The following MMP28 variants were observed in gnomAD, a reference collection of about 807,000 sequenced individuals.
MMP28 encodes matrix metalloproteinase-28.
In MMP28, 55 loss-of-function variants were observed where a neutral mutation model predicts 60.5. That is an observed-to-expected ratio of 0.91 (90% CI 0.73 to 1.14). The LOEUF is 1.14. MMP28 is among the 50% of genes most tolerant of loss of function. MMP28 has a pLI of 0.00. For missense variants in MMP28, 686 were observed against 738.3 expected (o/e 0.93, Z 0.82); for synonymous variants, 318 against 312.5 (o/e 1.02, Z -0.18).
chr17:35,779,390 C>T (rs1568176103), intron 1 of MMP28, 67 bp from the exon 2 acceptor site: 1 of 1,296,108 alleles, frequency 7.7e-7, no homozygotes, highest in East Asian at 2.4e-5. Flanking sequence ...CCCAAGGGCC[C>T]AGGGCACATA....
In MMP28 at chr17:35,766,372, G is replaced by T. The variant is rs2085937791; in HGVS notation, c.*128C>A. On this transcript the variant is annotated 3_prime_UTR_variant, in exon 8 of 8. Transcript: ENST00000605424. The surrounding 1 kb of genome is among the most constrained non-coding windows in gnomAD (Gnocchi z 4.3). ...AGGAACAAAGGCAGACAGACTTCCA[G>T]ATGGAGGCTTTGCTGCCCGGTCTTC... The T allele has an allele frequency of 4.2e-6, 6 of 1,425,454 alleles. No individual in the cohort carries two copies. Among genetic ancestry groups the T allele is most frequent in the Non-Finnish European group, 5.5e-6 (6 of 1,092,312 alleles). The allele number at this position is 1,425,454 out of a possible 1,614,324, so 88.3% of individuals were successfully genotyped here. A position where few individuals can be genotyped will look rare whatever the true frequency, so the allele number is the denominator to read the frequency against.
At chr17:35,764,894 G>A, downstream of MMP28, 1 of 274,854 alleles carries the variant, frequency 3.6e-6, no homozygotes, top group South Asian at 6.6e-5. Flanking sequence ...CAGCACCAGC[G>A]CCACCGCACA....
At chr17:35,760,853 C>G in intron 2 of MMP28, 1 of 1,522,866 alleles carries the variant, frequency 6.6e-7, no homozygotes, top group South Asian at 1.2e-5. Context: ...AATAGAGGCC[C>G]TAGACATGAG....
Position 35,773,337 on chromosome 17 carries a change from C to A in MMP28, c.447G>T (p.Pro149=). 1.2e-6 allele frequency: 2 copies of A among 1,612,612 alleles called. No individual in the cohort carries two copies. The highest frequency in any genetic ancestry group is 1.7e-6 in the Non-Finnish European group (2 of 1,179,400). Residue 149 remains proline, a synonymous_variant, in exon 4 of 8, where the codon CCG becomes CCT. Transcript: ENST00000605424. ...LVNWPEHLPE[P]AVRGAVRAAF... ...CGGCGCGCACGGCGCCCCGAACTGC[C>A]GGCTCCGGCAGATGCTCAGGCCAGT... is the stretch of plus-strand genomic sequence containing the variant.
At chr17:35,784,570 A>G (rs2086596322) in intron 1 of MMP28, among the ~76,000 whole-genome samples, 1 of 152,052 alleles carries the variant, frequency 6.6e-6, no homozygotes, top group South Asian at 2.1e-4. Context: ...CTGCAAAGGT[A>G]AGAGAAATGG....
intron 7 of MMP28, 56 bp downstream of exon 7, chr17:35,767,696 G>T (rs965359957): frequency 1.9e-6 from 3 of 1,542,084 alleles, no homozygotes; most frequent in Non-Finnish European, 2.6e-6. Context: ...TTGACCTTGG[G>T]CAGGACACCT....
chr17:35,769,656 G>A (rs1456666611), intron 5 of MMP28, among the ~76,000 whole-genome samples: 2 of 152,104 alleles, frequency 1.3e-5, no homozygotes, highest in East Asian at 3.9e-4. Flanking sequence ...GGGAGAGCTA[G>A]TGGCTGGGGC....
intron 1 of MMP28, among the ~76,000 whole-genome samples, chr17:35,786,697 T>TAAAAAAA (rs1406141593): frequency 1.2e-5 from 1 of 80,122 alleles, no homozygotes; most frequent in African/African-American, 8.8e-5. Flanking sequence ...ATCCTGTCTC[T>TAAAAAAA]ACAAAAAAAA....
chr17:35,795,433 C>T lies in MMP28; in HGVS notation c.-56G>A, dbSNP rs576777255. 3.1e-6 allele frequency: 4 copies of T among 1,286,868 alleles called. No homozygotes were observed. The highest frequency in any genetic ancestry group is 4.0e-6 in the Non-Finnish European group (4 of 999,656). 79.7% of individuals were successfully genotyped at this position (1,286,868 alleles called of 1,614,324 possible). On this transcript the variant is annotated 5_prime_UTR_variant, in exon 1 of 8. Coordinates refer to ENST00000605424, the MANE Select transcript of MMP28 (RefSeq NM_024302.5). Reference sequence around the variant, plus strand: ...GAGCTACTGCGCGCAGGGAACCAGCCGGCAGTCAGCCGCGCCCGGGACCCC... The same window carrying T: ...GAGCTACTGCGCGCAGGGAACCAGCTGGCAGTCAGCCGCGCCCGGGACCCC...
intron 7 of MMP28, among the ~76,000 whole-genome samples, chr17:35,767,474 G>GCT (rs1010719996): frequency 4.1e-4 from 62 of 152,288 alleles, no homozygotes; most frequent in African/African-American, 1.4e-3. Flanking sequence ...GGAAGATCCA[G>GCT]CTTTCTGCTC....
intron 4 of MMP28, among the ~76,000 whole-genome samples, chr17:35,772,940 G>A (rs2086205126): frequency 6.6e-6 from 1 of 152,202 alleles, no homozygotes; most frequent in Non-Finnish European, 1.5e-5. Context: ...TAATACTCTT[G>A]AGAATTTGCA....
downstream of MMP28, among the ~76,000 whole-genome samples, chr17:35,761,320 A>G (rs946032682): frequency 6.5e-4 from 99 of 151,972 alleles, 1 homozygote; most frequent in Non-Finnish European, 6.9e-4. Context: ...TATGTTGGCC[A>G]GGCTGGTCGC....
chr17:35,764,663 C>A, downstream of MMP28: 1 of 1,521,684 alleles, frequency 6.6e-7, no homozygotes. Context: ...TTTCCTGGCC[C>A]CAGACCCCCT....
At chr17:35,764,140 G>T (rs1555602142), downstream of MMP28, 6 of 1,549,362 alleles carry the variant, frequency 3.9e-6, no homozygotes, top group Admixed American at 2.0e-5. Flanking sequence ...GCGCGACGGA[G>T]GGCGAGGAGC....
chr17:35,787,943 C>T (rs533217674), intron 1 of MMP28, among the ~76,000 whole-genome samples: 6 of 133,610 alleles, frequency 4.5e-5, no homozygotes, highest in East Asian at 2.3e-4. Flanking sequence ...TCTTGCTCGT[C>T]GCCCTGGCTG....
At chr17:35,763,300 G>A (rs587763637), downstream of MMP28, among the ~76,000 whole-genome samples, 6 of 151,914 alleles carry the variant, frequency 3.9e-5, no homozygotes, top group Non-Finnish European at 7.4e-5. Flanking sequence ...TTGTGGAGAC[G>A]GGGTCTCACT....
At chr17:35,772,654 C>T (rs937965639) in intron 4 of MMP28, among the ~76,000 whole-genome samples, 1 of 152,310 alleles carries the variant, frequency 6.6e-6, no homozygotes, top group Non-Finnish European at 1.5e-5. Context: ...GGGAAAAGAG[C>T]GGTTTAAACT....
At position 35,778,931 on chromosome 17, in the gene MMP28, T is replaced by C; in HGVS notation, c.336A>G (p.Arg112=). Residue 112 remains arginine (R), a synonymous_variant, in exon 3 of 8, where the codon AGA becomes AGG. Coordinates refer to ENST00000605424, the MANE Select transcript of MMP28 (RefSeq NM_024302.5). ...WAERISDLFA[R]HRTKMRRKKR... The stretch of plus-strand genomic sequence containing the variant: ...TCTTACGCCTCATTTTGGTCCGGTG[T>C]CTAGCAAACAAGTCACTGATCCTCT... The C allele has an allele frequency of 6.2e-7, 1 of 1,614,060 alleles. No homozygotes were observed. The highest frequency in any genetic ancestry group is 1.7e-5 in the Admixed American group (1 of 60,026).
chr17:35,758,126 A>G (rs1445412369), intron 2 of MMP28: 2 of 152,150 alleles, frequency 1.3e-5, no homozygotes, highest in Admixed American at 1.3e-4. Flanking sequence ...CTTGTCTTTT[A>G]GGTATTATTT....
Sources: gnomAD v4.1 joint callset for allele counts (sites outside exome capture counted in the v4.1 genomes callset) on GRCh38, gnomAD v4.1.1 for gene constraint, Gnocchi (gnomAD v3.1) non-coding constraint, MANE v1.5 for transcripts, NCBI Gene and HGNC (gene_info 2026-07-23, HGNC 2026-07-21) for gene names.